TMEM132D: variants seen among roughly 807,000 people sequenced by gnomAD.
TMEM132D encodes mature OL transmembrane protein.
In TMEM132D, 21 loss-of-function variants were observed where a neutral mutation model predicts 62.3. The ratio of observed to expected loss-of-function variants is 0.34; its 90% CI spans 0.24 to 0.49. The LOEUF is 0.49. Ranked by LOEUF, TMEM132D falls within the 20% of genes least tolerant of loss-of-function variation. TMEM132D has a pLI of 0.99. For synonymous variants in TMEM132D, 621 were observed against 575.6 expected, an observed-to-expected ratio of 1.08 and a Z score of -1.13; for missense variants, 1,346 against 1,402.8, an observed-to-expected ratio of 0.96 and a Z score of 0.65.
intron 3 of TMEM132D, among the ~76,000 whole-genome samples, chr12:129,341,899 T>C (rs565866133): frequency 5.7e-4 from 86 of 152,044 alleles, no homozygotes; most frequent in African/African-American, 1.9e-3. Flanking sequence ...AGGAGAACTA[T>C]AAACCACTGC....
rs180760716 is a variant in TMEM132D at position 129,511,083 on chromosome 12, C to T, written c.1115+19976G>A. On this transcript the variant is annotated intron_variant, in intron 3 of 8. Coordinates refer to ENST00000422113, the MANE Select transcript of TMEM132D (RefSeq NM_133448.3). ...GCACCCATTTTAAGCATATAGTTGGCCGAACTTTGATAAATGTATATAGTC... is the reference window on the plus strand; with the variant it reads ...GCACCCATTTTAAGCATATAGTTGGTCGAACTTTGATAAATGTATATAGTC... 1.4e-3 allele frequency among the ~76,000 whole-genome samples: 209 copies of T among 152,180 alleles called. 3 individuals are homozygous for T. The highest frequency in any genetic ancestry group is 2.5e-4 in the Non-Finnish European group (17 of 67,988).
intron 4 of TMEM132D, among the ~76,000 whole-genome samples, chr12:129,236,514 C>CAAAAAAAAAAAAAAAAAAAAAA (rs60745384): frequency 3.0e-5 from 2 of 67,084 alleles, no homozygotes; most frequent in African/African-American, 1.1e-4. Flanking sequence ...GACTCCATCT[C>CAAAAAAAAAAAAAAAAAAAAAA]AAAAAAAAAA....
At chr12:129,424,202 TA>T (rs5801853) in intron 3 of TMEM132D, among the ~76,000 whole-genome samples, 72,633 of 148,586 alleles carry the variant, frequency 0.49, 17,904 homozygotes, top group African/African-American at 0.59. Flanking sequence ...AATTTTTTTG[TA>T]AAAAAAAAAA....
At chr12:129,258,381 T>C (rs1452832842) in intron 4 of TMEM132D, among the ~76,000 whole-genome samples, 1 of 152,206 alleles carries the variant, frequency 6.6e-6, no homozygotes, top group Non-Finnish European at 1.5e-5. Context: ...GGAATGATAC[T>C]ATTCTTGATG....
intron 1 of TMEM132D, among the ~76,000 whole-genome samples, chr12:129,737,891 G>A (rs962042636): frequency 1.3e-5 from 2 of 152,212 alleles, no homozygotes; most frequent in Non-Finnish European, 2.9e-5. Context: ...TGCTTTCACT[G>A]ATGGTTCAAC....
At chr12:129,767,709 G>A (rs905755378) in intron 1 of TMEM132D, among the ~76,000 whole-genome samples, 1 of 152,148 alleles carries the variant, frequency 6.6e-6, no homozygotes, top group Non-Finnish European at 1.5e-5. Flanking sequence ...CCACTATGTG[G>A]ACATGCCACA....
intron 1 of TMEM132D, among the ~76,000 whole-genome samples, chr12:129,712,791 T>G (rs983449761): frequency 6.6e-6 from 1 of 152,136 alleles, no homozygotes; most frequent in African/African-American, 2.4e-5. Context: ...GGCTGCGTCC[T>G]CTCCTTCGCT....
intron 4 of TMEM132D, among the ~76,000 whole-genome samples, chr12:129,300,833 C>G (rs1881693426): frequency 6.6e-6 from 1 of 152,152 alleles, no homozygotes; most frequent in Non-Finnish European, 1.5e-5. Flanking sequence ...AATATTGTGT[C>G]AAATGTACCC....
intron 2 of TMEM132D, among the ~76,000 whole-genome samples, chr12:129,634,740 T>C (rs989602397): frequency 7.2e-5 from 11 of 152,226 alleles, no homozygotes; most frequent in African/African-American, 2.7e-4. Context: ...TTTTGTTTTA[T>C]AGAAAAGGTT....
intron 2 of TMEM132D, among the ~76,000 whole-genome samples, chr12:129,675,486 C>T (rs1440779998): frequency 1.3e-5 from 2 of 152,088 alleles, no homozygotes; most frequent in Non-Finnish European, 2.9e-5. Flanking sequence ...CACATGTATA[C>T]CTATGTAACA....
At chr12:129,636,737 T>TGA (rs1555223034) in intron 2 of TMEM132D, among the ~76,000 whole-genome samples, 4,482 of 113,510 alleles carry the variant, frequency 0.039, 127 homozygotes, top group South Asian at 0.056. Context: ...TGTGTGTGTG[T>TGA]GAGAGAGAGA....
intron 3 of TMEM132D, among the ~76,000 whole-genome samples, chr12:129,407,889 C>CA (rs34385881): frequency 0.073 from 6,993 of 95,660 alleles, 504 homozygotes; most frequent in African/African-American, 0.24. Flanking sequence ...GACTCCGACT[C>CA]AAAAAAAAAA....
At chr12:129,180,936 GAGA>G (rs1878047988) in intron 5 of TMEM132D, among the ~76,000 whole-genome samples, 1 of 152,134 alleles carries the variant, frequency 6.6e-6, no homozygotes, top group Non-Finnish European at 1.5e-5. Context: ...TTGGTGGGAT[GAGA>G]AGATTTAGAG....
Position 129,736,233 on chromosome 12 carries a change from C to G in TMEM132D, c.80-35535G>C, listed in dbSNP as rs58614298. Among the ~76,000 whole-genome samples the G allele has an allele frequency of 8.3e-3, 1,265 of 152,220 alleles. 18 individuals are homozygous for G. Among genetic ancestry groups the G allele is most frequent in the African/African-American group, 0.029 (1,198 of 41,524 alleles). On this transcript the variant is annotated intron_variant, in intron 1 of 8. Transcript: ENST00000422113. ...CAAAAGTCTCCTTCTTTATAGATTT[C>G]TCATTTATAACAGTGTGATACTTCT...
At chr12:129,877,628 C>CACACACACAG (rs869172595) in intron 1 of TMEM132D, among the ~76,000 whole-genome samples, 2 of 146,852 alleles carry the variant, frequency 1.4e-5, no homozygotes, top group African/African-American at 5.2e-5. Flanking sequence ...CACACACACA[C>CACACACACAG]AGAGAGAGAG....
chr12:129,086,854 T>G (rs890193278), intron 5 of TMEM132D, among the ~76,000 whole-genome samples: 1 of 151,998 alleles, frequency 6.6e-6, no homozygotes, highest in African/African-American at 2.4e-5. Context: ...AATGTAATGA[T>G]TTTTCTTTTC....
chr12:129,313,556 T>C (rs1376882964), intron 4 of TMEM132D, among the ~76,000 whole-genome samples: 2 of 125,052 alleles, frequency 1.6e-5, no homozygotes, highest in East Asian at 4.7e-4. Context: ...TATATATATA[T>C]GTGTGTGTGT....
chr12:129,583,176 C>A (rs779260414), intron 2 of TMEM132D, among the ~76,000 whole-genome samples: 2 of 152,288 alleles, frequency 1.3e-5, no homozygotes, highest in Non-Finnish European at 2.9e-5. Context: ...GAGATTGTGT[C>A]CATATGAAAC....
At chr12:129,304,966 G>A (rs1881813167) in intron 4 of TMEM132D, among the ~76,000 whole-genome samples, 1 of 152,088 alleles carries the variant, frequency 6.6e-6, no homozygotes. Context: ...GCCTGGCCAA[G>A]CTCTTTCTTG....
Sources: allele counts gnomAD v4.1 joint callset (sites outside exome capture counted in the v4.1 genomes callset), GRCh38; gene constraint gnomAD v4.1.1; transcripts MANE v1.5; gene names NCBI Gene and HGNC (gene_info 2026-07-23, HGNC 2026-07-21).